CFAP251: variants seen among roughly 807,000 people sequenced by gnomAD.
CFAP251 encodes the protein cilia and flagella associated protein 251.
A neutral mutation model predicts 126.7 loss-of-function variants in CFAP251; 93 were observed. That is an observed-to-expected ratio of 0.73 (90% CI 0.62 to 0.87). CFAP251 has a LOEUF of 0.87. Among genes scored for constraint, CFAP251 ranks in the 40% least tolerant of loss-of-function variants. CFAP251 has a pLI of 0.00. For synonymous variants in CFAP251, 503 were observed against 506.9 expected (o/e 0.99, Z 0.10); for missense variants, 1,287 against 1,389.2 (o/e 0.93, Z 1.17).
At position 121,921,284 on chromosome 12, in the gene CFAP251, A is replaced by C; in HGVS notation, c.-20-2A>C. The C allele has an allele frequency of 6.4e-7, 1 of 1,552,934 alleles. No individual in the cohort carries two copies. Among genetic ancestry groups the C allele is most frequent in the Non-Finnish European group, 8.6e-7 (1 of 1,157,432 alleles). On this transcript the variant is annotated splice_acceptor_variant, in intron 1 of 21. Coordinates refer to ENST00000288912, the MANE Select transcript of CFAP251 (RefSeq NM_144668.6). LOFTEE classifies it low-confidence loss of function (5UTR_SPLICE). ...TGGTTATTATGGTCAAAATCTCTCT[A>C]GAGGAAACTCTACAGAGAAGAATGT...
intron 3 of CFAP251, among the ~76,000 whole-genome samples, chr12:121,929,319 CAAAAAA>C (rs907807088): frequency 1.3e-4 from 9 of 68,950 alleles, no homozygotes; most frequent in African/African-American, 5.1e-4. Flanking sequence ...GACTCCATCT[CAAAAAA>C]AAAAAAAAAG....
chr12:121,935,514 G>A (rs1316520220), intron 5 of CFAP251, among the ~76,000 whole-genome samples: 2 of 152,198 alleles, frequency 1.3e-5, no homozygotes, highest in East Asian at 1.9e-4. Context: ...GGCTCTGCAC[G>A]GCTATGGCCG....
chr12:121,936,318 A>G (rs1435203671), intron 5 of CFAP251, among the ~76,000 whole-genome samples: 2 of 152,110 alleles, frequency 1.3e-5, no homozygotes, highest in African/African-American at 2.4e-5. Context: ...GTGGTGGTGC[A>G]TGCCTGTAGT....
intron 19 of CFAP251, among the ~76,000 whole-genome samples, chr12:121,990,284 C>T (rs1882846640): frequency 6.6e-6 from 1 of 152,186 alleles, no homozygotes; most frequent in African/African-American, 2.4e-5. Context: ...GTGGACCCTT[C>T]TCTATACTCT....
Position 121,974,531 on chromosome 12 carries a change from G to C in CFAP251, c.2772-713G>C, listed in dbSNP as rs533801856. Among the ~76,000 whole-genome samples, 1 of 152,200 alleles carries C rather than the reference G, an allele frequency of 6.6e-6. No individual in the cohort carries two copies. The highest frequency in any genetic ancestry group is 1.5e-5 in the Non-Finnish European group (1 of 68,014). On this transcript the variant is annotated intron_variant, in intron 17 of 21. Transcript: ENST00000288912. The surrounding 1 kb of genome is among the most constrained non-coding windows in gnomAD (Gnocchi z 4.6). ...CATGTCCGTGTGACTCCACACTCTGGACACTTCCCCACTTCCCCACTGTGG... is the reference window on the plus strand; with the variant it reads ...CATGTCCGTGTGACTCCACACTCTGCACACTTCCCCACTTCCCCACTGTGG...
intron 15 of CFAP251, among the ~76,000 whole-genome samples, chr12:121,963,686 C>A (rs1405583967): frequency 6.7e-6 from 1 of 149,092 alleles, no homozygotes; most frequent in Non-Finnish European, 1.5e-5. Context: ...GACGATTGTG[C>A]CTCGAGTACA....
chr12:121,931,705 A>G (rs1216352307), intron 3 of CFAP251, 41 bp from the exon 4 acceptor site: 32 of 1,470,230 alleles, frequency 2.2e-5, no homozygotes, highest in Non-Finnish European at 2.6e-5. Flanking sequence ...TCTGGGCTGA[A>G]CACGCTGTAA....
rs186866370 is a variant in CFAP251, at chr12:121,952,153, A to G, written c.1320+623A>G. The stretch of plus-strand genomic sequence containing the variant: ...GCAGTGGCTCTCATCTGTAATCCCA[A>G]CACTTTGGGAGACTGAGGTGAGAGG... On this transcript the variant is annotated intron_variant, in intron 9 of 21. Transcript: ENST00000288912. Among the ~76,000 whole-genome samples, 271 of 151,000 alleles carry G rather than the reference A, an allele frequency of 1.8e-3. 2 individuals are homozygous for G. Among genetic ancestry groups the G allele is most frequent in the African/African-American group, 6.5e-3 (267 of 40,994 alleles).
intron 2 of CFAP251, among the ~76,000 whole-genome samples, chr12:121,922,389 C>T (rs1880222505): frequency 2.0e-5 from 3 of 152,142 alleles, no homozygotes; most frequent in Admixed American, 1.3e-4. Flanking sequence ...GGAGCCCCTG[C>T]ACCTGGCCAC....
intron 19 of CFAP251, chr12:121,998,501 T>C (rs1432196291): frequency 1.5e-5 from 2 of 130,762 alleles, no homozygotes; most frequent in Non-Finnish European, 3.2e-5. Context: ...TTGTGTTATC[T>C]GCAAATAGAG....
At chr12:121,923,598 A>G (rs774949254) in intron 2 of CFAP251, 24 bp from the exon 3 acceptor site, 12 of 1,582,316 alleles carry the variant, frequency 7.6e-6, no homozygotes, top group Non-Finnish European at 1.0e-5. Context: ...ATATGGAATC[A>G]TGATATTTTA....
At chr12:121,928,704 ATTTTTT>A (rs60425515) in intron 3 of CFAP251, among the ~76,000 whole-genome samples, 1 of 60,324 alleles carries the variant, frequency 1.7e-5, no homozygotes, top group African/African-American at 4.1e-5. Context: ...ATATATATAT[ATTTTTT>A]TTTTGAGACA....
At chr12:121,921,763 C>A in intron 2 of CFAP251, 80 bp downstream of exon 2, 14 of 1,304,950 alleles carry the variant, frequency 1.1e-5, no homozygotes, top group South Asian at 1.5e-5. Context: ...ACTATGGGAA[C>A]ACAAAACCAA....
chr12:122,003,387 CAT>C (rs1477698573), intron 21 of CFAP251, among the ~76,000 whole-genome samples: 27 of 152,100 alleles, frequency 1.8e-4, no homozygotes, highest in Admixed American at 7.2e-4. Flanking sequence ...GCCTGGGTAA[CAT>C]AGCGAGACCC....
Position 121,923,696 on chromosome 12 carries a change from C to T in CFAP251, c.453C>T (p.Asp151=), listed in dbSNP as rs189409230. ...CAGAAACAGATGAGCTTTTAAGAGA[C>T]CTGAGCACACAAATTGAATTTCTTG... ...EDAETDELLR[D]LSTQIEFLDL... is the part of the protein sequence containing the mutation. The change falls in exon 3 of 22, where the codon GAC becomes GAT. Residue 151 remains aspartate (D), a synonymous_variant. Coordinates refer to ENST00000288912, the MANE Select transcript of CFAP251 (RefSeq NM_144668.6). The T allele has an allele frequency of 5.4e-4, 868 of 1,614,106 alleles. 1 individual carries two copies. The highest frequency in any genetic ancestry group is 6.9e-4 in the Non-Finnish European group (820 of 1,180,032).
chr12:121,967,887 T>A, intron 16 of CFAP251, 119 bp from the exon 17 acceptor site: 1 of 908,856 alleles, frequency 1.1e-6, no homozygotes, highest in Non-Finnish European at 1.7e-6. Context: ...CACTCAGAGA[T>A]GGGTCCAGAC....
In CFAP251 at chr12:121,958,439, G is replaced by T; in HGVS notation, c.1898G>T (p.Trp633Leu). The T allele has an allele frequency of 6.2e-7, 1 of 1,614,206 alleles. No homozygotes were observed. The highest frequency in any genetic ancestry group is 1.1e-5 in the South Asian group (1 of 91,090). ...IGSICGMIKV[W>L]NYENKQYLFS... ...AGCATCTGTGGGATGATCAAAGTGT[G>T]GAATTATGAAAACAAACAATATCTT... is the stretch of plus-strand genomic sequence containing the variant. The change falls in exon 12 of 22, where the codon TGG becomes TTG. Residue 633 changes from tryptophan to leucine, a missense_variant. By Grantham distance (61) the Trp-to-Leu change is moderately conservative. Transcript: ENST00000288912.
At chr12:121,961,949 C>T in intron 14 of CFAP251, 29 bp from the exon 15 acceptor site, 1 of 1,604,770 alleles carries the variant, frequency 6.2e-7, no homozygotes, top group Non-Finnish European at 8.5e-7. Context: ...GCTTGGTCCT[C>T]ATGTGTGTCC....
intron 19 of CFAP251, chr12:121,998,972 G>A (rs981398445): frequency 6.7e-6 from 1 of 148,952 alleles, no homozygotes; most frequent in Non-Finnish European, 1.5e-5. Context: ...CTTAGGAGGA[G>A]AAAGCATTTA....
Sources: allele counts gnomAD v4.1 joint callset (sites outside exome capture counted in the v4.1 genomes callset), GRCh38; gene constraint gnomAD v4.1.1; non-coding constraint Gnocchi (gnomAD v3.1); transcripts MANE v1.5; gene names NCBI Gene and HGNC (gene_info 2026-07-23, HGNC 2026-07-21).